The following RELL1 variants were observed in gnomAD, a reference collection of about 807,000 sequenced individuals.
The protein encoded by RELL1 is RELT like 1, also known as RELT-like protein 1.
Under a neutral mutation model 23.0 loss-of-function variants are expected in RELL1, and 10 were observed. The ratio of observed to expected loss-of-function variants is 0.43; its 90% CI spans 0.27 to 0.74. The LOEUF (loss-of-function observed/expected upper bound fraction) is 0.74, where lower values mean the gene tolerates loss of function less well. RELL1 is among the 30% of genes least tolerant of loss of function. The probability of loss-of-function intolerance (pLI) is 0.19; values close to 1 mark genes in which losing one functional copy is unlikely to be tolerated. For synonymous variants in RELL1, 146 were observed against 146.8 expected (o/e 0.99, Z 0.04); for missense variants, 315 against 364.4 (o/e 0.86, Z 1.10).
intron 6 of RELL1, among the ~76,000 whole-genome samples, chr4:37,593,257 C>T (rs1388153119): frequency 6.6e-6 from 1 of 152,196 alleles, no homozygotes; most frequent in East Asian, 1.9e-4. Context: ...CAAATAGAGG[C>T]TTATTTACCT....
chr4:37,636,232 G>A (rs1720323671), intron 4 of RELL1, among the ~76,000 whole-genome samples: 1 of 152,136 alleles, frequency 6.6e-6, no homozygotes, highest in South Asian at 2.1e-4. Context: ...ATACAGTATA[G>A]TGCTTCAGAA....
chr4:37,592,336 C>T (rs1029725183), intron 6 of RELL1, among the ~76,000 whole-genome samples: 5 of 133,934 alleles, frequency 3.7e-5, no homozygotes, highest in Admixed American at 2.6e-4. Flanking sequence ...GGCAATTTAG[C>T]GAGACCCCAT....
chr4:37,633,408 CAAAAAAAAAAAAAAAAAAAAAAAAAAA>C (rs57256942), intron 5 of RELL1, among the ~76,000 whole-genome samples: 1 of 62,988 alleles, frequency 1.6e-5, no homozygotes, highest in African/African-American at 4.4e-5. Context: ...GACTCCACCT[CAAAAAAAAAAAAAAAAAAAAAAAAAAA>C]AAAAAAAAAA....
In RELL1 at chr4:37,603,494, T is replaced by C. The variant is rs891631251; in HGVS notation, c.*4-12277A>G. On this transcript the variant is annotated intron_variant, in intron 6 of 6. Transcript: ENST00000314117. ...GTCAAACCTCAGATACAAAACATAG[T>C]CCTCTTTGACCACACAACACGCCCT... 3.3e-5 allele frequency among the ~76,000 whole-genome samples: 5 copies of C among 152,176 alleles called. No homozygotes were observed. The South Asian group carries it at 8.3e-4, about 25-fold the overall frequency.
chr4:37,630,278 C>A (rs935864638), intron 6 of RELL1, among the ~76,000 whole-genome samples: 1 of 151,026 alleles, frequency 6.6e-6, no homozygotes, highest in Non-Finnish European at 1.5e-5. Context: ...CCACTCAAGC[C>A]GGAACAGAAA....
chr4:37,660,171 T>C (rs567861415), intron 1 of RELL1, among the ~76,000 whole-genome samples: 2 of 152,250 alleles, frequency 1.3e-5, no homozygotes, highest in East Asian at 3.9e-4. Context: ...GATGGCTAAA[T>C]GTCTAAATGT....
rs576199095 is a variant in RELL1, at chr4:37,660,832, C to T, written c.89-11332G>A. On this transcript the variant is annotated intron_variant, in intron 1 of 6. Coordinates refer to ENST00000454158, the MANE Select transcript of RELL1 (RefSeq NM_001085400.2). The stretch of plus-strand genomic sequence containing the variant: ...AGATCACAAGGTCAGGAGATCAAGA[C>T]CATCCTGGCTAACACGGTGAAACCC... 1.1e-4 allele frequency among the ~76,000 whole-genome samples: 16 copies of T among 152,224 alleles called. No individual in the cohort carries two copies. The South Asian group carries it at 1.9e-3, about 18-fold the overall frequency.
intron 1 of RELL1, among the ~76,000 whole-genome samples, chr4:37,663,112 C>T (rs963182781): frequency 2.0e-5 from 3 of 152,140 alleles, no homozygotes; most frequent in South Asian, 2.1e-4. Context: ...AAAAGCAATA[C>T]CCGTGGGGCT....
At chr4:37,660,998 T>G (rs1358716269) in intron 1 of RELL1, among the ~76,000 whole-genome samples, 5 of 150,360 alleles carry the variant, frequency 3.3e-5, no homozygotes, top group African/African-American at 1.2e-4. Flanking sequence ...GCCACTGCAC[T>G]CCAGCCTGGG....
chr4:37,620,647 T>C (rs768347153), intron 6 of RELL1, among the ~76,000 whole-genome samples: 1 of 152,232 alleles, frequency 6.6e-6, no homozygotes, highest in Non-Finnish European at 1.5e-5. Context: ...AAGTTAGATA[T>C]TGCCTCTCTA....
At chr4:37,596,368 G>A (rs1577552581) in intron 6 of RELL1, among the ~76,000 whole-genome samples, 1 of 151,968 alleles carries the variant, frequency 6.6e-6, no homozygotes, top group South Asian at 2.1e-4. Flanking sequence ...TCTTGAGTGG[G>A]GTCCTGGCAT....
chr4:37,613,495 T>A (rs1719477579), intron 6 of RELL1, among the ~76,000 whole-genome samples, 153 bp from the exon 7 acceptor site: 1 of 147,068 alleles, frequency 6.8e-6, no homozygotes, highest in Admixed American at 6.7e-5. Flanking sequence ...CCACTGTACA[T>A]TTTTTTCTAG....
intron 3 of RELL1, among the ~76,000 whole-genome samples, chr4:37,642,605 T>G (rs1720566465): frequency 6.6e-6 from 1 of 151,868 alleles, no homozygotes; most frequent in Admixed American, 6.6e-5. Context: ...CTGATAGGAG[T>G]GTCTTTTGTT....
intron 6 of RELL1, among the ~76,000 whole-genome samples, chr4:37,599,405 G>A (rs533033860): frequency 6.6e-6 from 1 of 152,316 alleles, no homozygotes; most frequent in Non-Finnish European, 1.5e-5. Context: ...GAAGAGTACA[G>A]GGTGAAGTCA....
Position 37,601,409 on chromosome 4 carries a change from A to T in RELL1, c.*4-10192T>A, listed in dbSNP as rs555153016. ...CTAAGTGCATTACACATCTGAGCTC[A>T]TATGATCCTCACAACCACCCTAAAA... On this transcript the variant is annotated intron_variant, in intron 6 of 6. Coordinates refer to the RELL1 transcript ENST00000314117. Among the ~76,000 whole-genome samples, 4 of 152,330 alleles carry T rather than the reference A, an allele frequency of 2.6e-5. No homozygotes were observed. The East Asian group carries it at 7.7e-4, about 29-fold the overall frequency.
downstream of RELL1, among the ~76,000 whole-genome samples, chr4:37,587,882 T>C (rs1240770887): frequency 6.6e-6 from 1 of 151,990 alleles, no homozygotes; most frequent in East Asian, 1.9e-4. Flanking sequence ...GGCAGGAGAA[T>C]CGCTTGAACC....
At chr4:37,605,787 A>AAGAGAGAGAGAG (rs1214332381), downstream of RELL1, among the ~76,000 whole-genome samples, 1 of 54,506 alleles carries the variant, frequency 1.8e-5, no homozygotes, top group African/African-American at 6.4e-5. Flanking sequence ...GAGAGAGAGA[A>AAGAGAGAGAGAG]AGAAAGAGAA....
At chr4:37,668,824 C>T (rs1288952777) in intron 1 of RELL1, among the ~76,000 whole-genome samples, 36 of 146,000 alleles carry the variant, frequency 2.5e-4, no homozygotes, top group African/African-American at 8.2e-4. Flanking sequence ...CGTCTCTCCC[C>T]GGCCGCCCAT....
chr4:37,604,824 C>CACACACACAG (rs1560323681), intron 6 of RELL1, among the ~76,000 whole-genome samples: 1 of 98,842 alleles, frequency 1.0e-5, no homozygotes, highest in Non-Finnish European at 2.1e-5. Flanking sequence ...CACACACAGA[C>CACACACACAG]ACACACATAC....
Sources: gnomAD v4.1 joint callset for allele counts (sites outside exome capture counted in the v4.1 genomes callset) on GRCh38, gnomAD v4.1.1 for gene constraint, MANE v1.5 for transcripts, NCBI Gene and HGNC (gene_info 2026-07-23, HGNC 2026-07-21) for gene names.